Variants in DGKI observed in about 807,000 individuals in gnomAD.
The protein encoded by DGKI is DAG kinase iota.
A neutral mutation model predicts 147.5 loss-of-function variants in DGKI; 55 were observed. The observed-to-expected ratio is 0.37, with a 90% CI of 0.30 to 0.47. The LOEUF (loss-of-function observed/expected upper bound fraction) is 0.47. Ranked by LOEUF, DGKI falls within the 20% of genes least tolerant of loss-of-function variation. DGKI has a pLI of 1.00. For synonymous variants in DGKI, 469 were observed against 477.1 expected (o/e 0.98, Z 0.22); for missense variants, 1,007 against 1,323.8 (o/e 0.76, Z 3.71).
chr7:137,424,590 C>A (rs992669912), intron 28 of DGKI, among the ~76,000 whole-genome samples: 1 of 152,134 alleles, frequency 6.6e-6, no homozygotes, highest in Non-Finnish European at 1.5e-5. Context: ...TGAGGCATTG[C>A]CTCACTTGGG....
At chr7:137,723,436 T>C (rs886077042) in intron 1 of DGKI, among the ~76,000 whole-genome samples, 17 of 152,298 alleles carry the variant, frequency 1.1e-4, no homozygotes, top group Admixed American at 5.9e-4. Context: ...ACCAATTCCC[T>C]TGGTTACTGA....
rs1004718020 is a variant in DGKI at position 137,465,764 on chromosome 7, T to C, written c.2612+144A>G. The stretch of plus-strand genomic sequence containing the variant: ...CACGGCCATTCATAAGACAGACTTA[T>C]AATAACCACTCTAAGGAAACACAAC... On this transcript the variant is annotated intron_variant, in intron 26 of 32. Transcript: ENST00000614521. 3.5e-5 allele frequency: 39 copies of C among 1,125,438 alleles called. No individual in the cohort carries two copies. In the African/African-American group the frequency reaches 5.4e-4, roughly 16 times the overall value. 69.7% of individuals were successfully genotyped at this position (1,125,438 alleles called of 1,614,324 possible).
intron 6 of DGKI, among the ~76,000 whole-genome samples, chr7:137,645,146 G>A (rs1821779515): frequency 2.0e-5 from 3 of 152,174 alleles, no homozygotes; most frequent in Admixed American, 6.5e-5. Flanking sequence ...GATTTGCTGC[G>A]ATTGGCCAAA....
At chr7:137,560,412 T>A (rs10275857) in intron 19 of DGKI, among the ~76,000 whole-genome samples, 6 of 151,904 alleles carry the variant, frequency 3.9e-5, no homozygotes, top group African/African-American at 1.5e-4. Flanking sequence ...ATATTCCTAG[T>A]TCGTTGGGGA....
chr7:137,611,899 G>A (rs1820376536), intron 8 of DGKI, among the ~76,000 whole-genome samples: 1 of 152,164 alleles, frequency 6.6e-6, no homozygotes, highest in Admixed American at 6.6e-5. Context: ...GTGAATGCTT[G>A]CCTCCTAACT....
intron 1 of DGKI, among the ~76,000 whole-genome samples, chr7:137,751,159 A>C (rs1468157215): frequency 6.6e-6 from 1 of 152,276 alleles, no homozygotes; most frequent in Admixed American, 6.5e-5. Context: ...TTCAGTAAAC[A>C]TCTGGAAGAT....
chr7:137,665,519 T>C (rs1260863181), intron 3 of DGKI, among the ~76,000 whole-genome samples: 1 of 152,204 alleles, frequency 6.6e-6, no homozygotes, highest in Non-Finnish European at 1.5e-5. Flanking sequence ...AAAACTCACT[T>C]GATGCTCTTC....
chr7:137,462,057 G>A (rs1344757912), intron 27 of DGKI, among the ~76,000 whole-genome samples: 3 of 151,858 alleles, frequency 2.0e-5, no homozygotes, highest in East Asian at 1.9e-4. Context: ...TCAGGACCTA[G>A]AAAACTAGAT....
chr7:137,649,996 C>T (rs1202347753), intron 5 of DGKI, among the ~76,000 whole-genome samples: 7 of 152,016 alleles, frequency 4.6e-5, no homozygotes, highest in African/African-American at 9.6e-5. Flanking sequence ...TTAGTGGAAA[C>T]GAAGCAGAGG....
At chr7:137,489,239 A>G (rs1327794632) in intron 21 of DGKI, among the ~76,000 whole-genome samples, 1 of 152,156 alleles carries the variant, frequency 6.6e-6, no homozygotes, top group Non-Finnish European at 1.5e-5. Flanking sequence ...TGAGTATAAA[A>G]AGAGGGAGGA....
intron 1 of DGKI, among the ~76,000 whole-genome samples, chr7:137,703,530 T>A (rs1413371089): frequency 6.6e-6 from 1 of 152,222 alleles, no homozygotes; most frequent in Non-Finnish European, 1.5e-5. Context: ...GTTGAAGACA[T>A]GCCCCACAAT....
intron 1 of DGKI, among the ~76,000 whole-genome samples, chr7:137,707,727 T>A (rs1794082559): frequency 6.6e-6 from 1 of 152,222 alleles, no homozygotes; most frequent in African/African-American, 2.4e-5. Context: ...GAAGCCACTT[T>A]ACTTCCTGTA....
At chr7:137,718,916 G>T (rs568305522) in intron 1 of DGKI, among the ~76,000 whole-genome samples, 1 of 152,300 alleles carries the variant, frequency 6.6e-6, no homozygotes, top group Admixed American at 6.5e-5. Flanking sequence ...TTTTCAGTAT[G>T]ATGGACTTCT....
At chr7:137,749,898 T>C (rs1195855777) in intron 1 of DGKI, among the ~76,000 whole-genome samples, 1 of 152,130 alleles carries the variant, frequency 6.6e-6, no homozygotes, top group East Asian at 1.9e-4. Context: ...CTCCCTGGTG[T>C]GGATAAGCCT....
At chr7:137,613,978 G>A (rs548680685) in intron 8 of DGKI, among the ~76,000 whole-genome samples, 5 of 152,086 alleles carry the variant, frequency 3.3e-5, no homozygotes, top group South Asian at 2.1e-4. Context: ...AAGAGACAGC[G>A]GAGATGCTTA....
At chr7:137,752,426 G>A (rs865960910) in intron 1 of DGKI, among the ~76,000 whole-genome samples, 2 of 152,170 alleles carry the variant, frequency 1.3e-5, no homozygotes, top group South Asian at 4.1e-4. Flanking sequence ...TCCGCTAAGG[G>A]AGGAGACCAC....
chr7:137,597,308 AT>A (rs779293990), intron 12 of DGKI, among the ~76,000 whole-genome samples: 78 of 152,328 alleles, frequency 5.1e-4, no homozygotes, highest in Non-Finnish European at 6.3e-4. Context: ...TGACTTGATC[AT>A]TATACATTCT....
intron 12 of DGKI, among the ~76,000 whole-genome samples, chr7:137,590,595 C>T (rs185005236): frequency 1.3e-5 from 2 of 152,304 alleles, no homozygotes; most frequent in East Asian, 3.9e-4. Flanking sequence ...ACAGATGGAA[C>T]GTTAGGGGGT....
chr7:137,642,596 A>G (rs913694578), intron 6 of DGKI, among the ~76,000 whole-genome samples: 3 of 152,218 alleles, frequency 2.0e-5, no homozygotes, highest in Admixed American at 6.5e-5. Context: ...AATGACAATG[A>G]AAAACCACAG....
Sources: gnomAD v4.1 joint callset for allele counts (sites outside exome capture counted in the v4.1 genomes callset) on GRCh38, gnomAD v4.1.1 for gene constraint, MANE v1.5 for transcripts, NCBI Gene and HGNC (gene_info 2026-07-23, HGNC 2026-07-21) for gene names.